Variants in B4GALT6 observed in about 807,000 individuals in gnomAD.
The protein encoded by B4GALT6 is beta-1,4-galactosyltransferase 6, also known as UDP-Gal:beta-GlcNAc beta-1,4-galactosyltransferase 6.
In B4GALT6, 14 loss-of-function variants were observed where a neutral mutation model predicts 46.3. The ratio of observed to expected loss-of-function variants is 0.30; its 90% CI spans 0.20 to 0.47. The LOEUF is 0.47. Ranked by LOEUF, B4GALT6 falls within the 20% of genes least tolerant of loss-of-function variation. The pLI is 0.99. For missense variants in B4GALT6, 386 were observed against 480.1 expected (o/e 0.80, Z 1.83); for synonymous variants, 168 against 162.0 (o/e 1.04, Z -0.28).
the B4GALT6 span, among the ~76,000 whole-genome samples, chr18:31,709,339 A>G: frequency 6.6e-6 from 1 of 151,394 alleles, no homozygotes; most frequent in African/African-American, 2.4e-5. Context: ...AGCTGGGATT[A>G]CAGGCATGCA....
chr18:31,681,077 A>G (rs771581691), intron 1 of B4GALT6, among the ~76,000 whole-genome samples: 6 of 149,980 alleles, frequency 4.0e-5, no homozygotes, highest in Non-Finnish European at 8.9e-5. Context: ...TTGTACTATG[A>G]CGGAAGAAAA....
At chr18:31,671,339 T>C (rs1233882785) in intron 1 of B4GALT6, among the ~76,000 whole-genome samples, 1 of 152,230 alleles carries the variant, frequency 6.6e-6, no homozygotes, top group Non-Finnish European at 1.5e-5. Context: ...TCCACAATGG[T>C]TGAACTAATT....
chr18:31,675,787 C>T (rs2074407829), intron 1 of B4GALT6, among the ~76,000 whole-genome samples: 1 of 152,060 alleles, frequency 6.6e-6, no homozygotes, highest in Non-Finnish European at 1.5e-5. Context: ...GCCCAGGAAA[C>T]ATTATAAAAT....
Position 31,678,791 on chromosome 18 carries a change from C to A in B4GALT6, c.115+5521G>T, listed in dbSNP as rs2074446187. On this transcript the variant is annotated intron_variant, in intron 1 of 8. Transcript: ENST00000306851. ...GGCTCCAGAAACCAATGCTTCTATG[C>A]CCAAGTTTCCCCTGGCCTTGGGCCC... Among the ~76,000 whole-genome samples, 3 of 152,216 alleles carry A rather than the reference C, an allele frequency of 2.0e-5. No individual in the cohort carries two copies. In the South Asian group the frequency reaches 6.2e-4, roughly 32 times the overall value.
chr18:31,707,650 CT>C, the B4GALT6 span, among the ~76,000 whole-genome samples: 1 of 152,094 alleles, frequency 6.6e-6, no homozygotes, highest in East Asian at 1.9e-4. Context: ...TTAATCTTCC[CT>C]GACATTGTCA....
At chr18:31,672,620 T>TA (rs1479085966) in intron 1 of B4GALT6, among the ~76,000 whole-genome samples, 1 of 152,150 alleles carries the variant, frequency 6.6e-6, no homozygotes, top group Non-Finnish European at 1.5e-5. Context: ...AACAACAGCT[T>TA]AAAAAAATTC....
the B4GALT6 span, among the ~76,000 whole-genome samples, chr18:31,712,064 T>A: frequency 6.6e-6 from 1 of 152,282 alleles, no homozygotes; most frequent in South Asian, 2.1e-4. Flanking sequence ...ACTTTTCTCA[T>A]AATCAGATAT....
chr18:31,629,078 T>C (rs1327826330), intron 6 of B4GALT6, among the ~76,000 whole-genome samples: 1 of 152,186 alleles, frequency 6.6e-6, no homozygotes, highest in Non-Finnish European at 1.5e-5. Flanking sequence ...AAATATATTT[T>C]CCCTCCCTTA....
chr18:31,713,614 T>C, the B4GALT6 span, among the ~76,000 whole-genome samples: 159 of 152,314 alleles, frequency 1.0e-3, 1 homozygote, highest in African/African-American at 3.7e-3. Context: ...TTGGCCTTTT[T>C]TTAGTTAGTC....
intron 5 of B4GALT6, among the ~76,000 whole-genome samples, chr18:31,633,586 C>T (rs913178921): frequency 2.0e-5 from 3 of 152,086 alleles, no homozygotes; most frequent in Non-Finnish European, 4.4e-5. Context: ...CAGGATAATC[C>T]AAGCCCTCAC....
the B4GALT6 span, among the ~76,000 whole-genome samples, chr18:31,710,703 T>A: frequency 5.9e-5 from 9 of 152,076 alleles, no homozygotes; most frequent in Non-Finnish European, 1.2e-4. Flanking sequence ...AAATTTCTGT[T>A]TTAAACCATC....
At position 31,624,960 on chromosome 18, in the gene B4GALT6, G is replaced by C. The variant is rs1397043523; in HGVS notation, c.*654C>G. ...GGAAAAACATAGGTAATCCCGGTAG[G>C]AAGAAAAGCTATTTAAGTCCTTCCT... On this transcript the variant is annotated 3_prime_UTR_variant, in exon 9 of 9. Coordinates refer to ENST00000306851, the MANE Select transcript of B4GALT6 (RefSeq NM_004775.5). 1 of 152,636 alleles carries C rather than the reference G, an allele frequency of 6.6e-6. No individual in the cohort carries two copies. The highest frequency in any genetic ancestry group is 2.4e-5 in the African/African-American group (1 of 41,462). The allele number at this position is 152,636 out of a possible 1,614,324, so 9.5% of individuals were successfully genotyped here.
chr18:31,682,980 T>C (rs1230853240), intron 1 of B4GALT6, among the ~76,000 whole-genome samples: 1 of 152,188 alleles, frequency 6.6e-6, no homozygotes, highest in Non-Finnish European at 1.5e-5. Flanking sequence ...GTTTTTTGTT[T>C]TTTCTGGCCT....
At chr18:31,681,581 T>G (rs368737637) in intron 1 of B4GALT6, among the ~76,000 whole-genome samples, 2 of 152,202 alleles carry the variant, frequency 1.3e-5, no homozygotes, top group East Asian at 3.8e-4. Flanking sequence ...AGTCCAGAAA[T>G]AGACTATTTC....
In B4GALT6 at chr18:31,668,847, C is replaced by CAA. The variant is rs34938031; in HGVS notation, c.116-2477_116-2476dup. Among the ~76,000 whole-genome samples, 146 of 133,684 alleles carry CAA rather than the reference C, an allele frequency of 1.1e-3. 1 individual carries two copies. Among genetic ancestry groups the CAA allele is most frequent in the Middle Eastern group, 3.7e-3 (1 of 268 alleles). The allele number at this position is 133,684 out of a possible 152,430, so 87.7% of individuals were successfully genotyped here. A position where few individuals can be genotyped will look rare whatever the true frequency, so the allele number is the denominator to read the frequency against. ...AAATGCCGTCTCTACTAAAAAAATA[C>CAA]AAAAAAAAAAAAAACTAGCCAGGCG... is the stretch of plus-strand genomic sequence containing the variant. On this transcript the variant is annotated intron_variant, in intron 1 of 8. Coordinates refer to ENST00000306851, the MANE Select transcript of B4GALT6 (RefSeq NM_004775.5).
rs559553227 is a variant in B4GALT6 at position 31,676,643 on chromosome 18, T to C, written c.115+7669A>G. ...CTATTGCCAGTAAAACATGATGTTA[T>C]AAACAAGTTAATCAGGTTTTCAGTA... On this transcript the variant is annotated intron_variant, in intron 1 of 8. Coordinates refer to ENST00000306851, the MANE Select transcript of B4GALT6 (RefSeq NM_004775.5). Among the ~76,000 whole-genome samples, 20 of 152,326 alleles carry C rather than the reference T, an allele frequency of 1.3e-4. No individual in the cohort carries two copies. In the East Asian group the frequency reaches 1.9e-3, roughly 15 times the overall value.
upstream of B4GALT6, among the ~76,000 whole-genome samples, chr18:31,688,567 T>C (rs1237212123): frequency 3.3e-5 from 5 of 152,168 alleles, no homozygotes; most frequent in East Asian, 9.6e-4. Context: ...CTTCAGCATT[T>C]GACCCAAATT....
chr18:31,721,890 ATG>A, the B4GALT6 span, among the ~76,000 whole-genome samples: 4 of 149,570 alleles, frequency 2.7e-5, no homozygotes, highest in South Asian at 2.1e-4. Context: ...CTGTGTGTGT[ATG>A]TGTGTGTGTG....
At chr18:31,709,079 A>G in the B4GALT6 span, among the ~76,000 whole-genome samples, 1 of 152,186 alleles carries the variant, frequency 6.6e-6, no homozygotes, top group African/African-American at 2.4e-5. Flanking sequence ...CTCTCTGTGC[A>G]TCAGTTTCCT....
Sources: allele counts gnomAD v4.1 joint callset (sites outside exome capture counted in the v4.1 genomes callset), GRCh38; gene constraint gnomAD v4.1.1; transcripts MANE v1.5; gene names NCBI Gene and HGNC (gene_info 2026-07-23, HGNC 2026-07-21).